The following NALF1 variants were observed in gnomAD, a reference collection of about 807,000 sequenced individuals.
The protein encoded by NALF1 is NALCN channel auxiliary factor 1, also known as family with sequence similarity 155 member A.
Under a neutral mutation model 48.4 loss-of-function variants are expected in NALF1, and 3 were observed. The ratio of observed to expected loss-of-function variants is 0.06; its 90% confidence interval spans 0.03 to 0.16. The LOEUF (loss-of-function observed/expected upper bound fraction) is 0.16. NALF1 is among the 10% of genes least tolerant of loss of function. The pLI, the probability that NALF1 is intolerant of heterozygous loss-of-function variation, is 1.00. For missense variants in NALF1, 526 were observed against 571.5 expected, an observed-to-expected ratio of 0.92 and a Z score of 0.81; for synonymous variants, 262 against 245.7, an observed-to-expected ratio of 1.07 and a Z score of -0.62.
intron 1 of NALF1, among the ~76,000 whole-genome samples, chr13:107,517,015 G>T (rs893167897): frequency 1.3e-5 from 2 of 152,132 alleles, no homozygotes; most frequent in Non-Finnish European, 2.9e-5. Flanking sequence ...AGTTGGAAAT[G>T]CATTCATTTA....
At chr13:107,829,055 C>T (rs4500579) in intron 1 of NALF1, among the ~76,000 whole-genome samples, 2,966 of 152,216 alleles carry the variant, frequency 0.019, 51 homozygotes, top group Middle Eastern at 0.065. Flanking sequence ...GAACATGCCC[C>T]CTCTTCTCTG....
At chr13:107,659,022 C>G (rs1362011770) in intron 1 of NALF1, among the ~76,000 whole-genome samples, 3 of 151,616 alleles carry the variant, frequency 2.0e-5, no homozygotes, top group African/African-American at 7.3e-5. Context: ...CCATGTGCAC[C>G]ATTATTTCTC....
At chr13:107,222,862 A>T (rs181400712) in intron 1 of NALF1, among the ~76,000 whole-genome samples, 108 of 152,330 alleles carry the variant, frequency 7.1e-4, no homozygotes, top group African/African-American at 2.0e-3. Context: ...AATGAATGAA[A>T]GAATGCCTCT....
chr13:107,775,740 T>C (rs559443093), intron 1 of NALF1, among the ~76,000 whole-genome samples: 23 of 152,328 alleles, frequency 1.5e-4, no homozygotes, highest in South Asian at 1.0e-3. Context: ...TTTTTAATGA[T>C]TGCCATTTAA....
intron 1 of NALF1, among the ~76,000 whole-genome samples, chr13:107,404,444 G>C (rs1227591165): frequency 1.3e-5 from 2 of 151,696 alleles, no homozygotes; most frequent in Non-Finnish European, 2.9e-5. Context: ...TTATAGTAAT[G>C]GTCACACAAA....
intron 2 of NALF1, among the ~76,000 whole-genome samples, chr13:107,199,491 C>T (rs1879464362): frequency 6.6e-6 from 1 of 152,088 alleles, no homozygotes; most frequent in Non-Finnish European, 1.5e-5. Context: ...CAAGTTATTT[C>T]CATATACGGT....
intron 1 of NALF1, among the ~76,000 whole-genome samples, chr13:107,534,922 T>C (rs1039519877): frequency 2.0e-5 from 3 of 152,132 alleles, no homozygotes; most frequent in Non-Finnish European, 2.9e-5. Context: ...CTGCAGGTTG[T>C]TGGTGTATAA....
intron 1 of NALF1, among the ~76,000 whole-genome samples, chr13:107,265,696 A>G (rs937015623): frequency 6.6e-6 from 1 of 150,812 alleles, no homozygotes; most frequent in Non-Finnish European, 1.5e-5. Context: ...ATGAGCCACC[A>G]TGCCTGGCCT....
chr13:107,188,949 C>T (rs551172172), intron 2 of NALF1, among the ~76,000 whole-genome samples: 2 of 152,216 alleles, frequency 1.3e-5, no homozygotes, highest in Admixed American at 6.5e-5. Context: ...TAAGAAAAGG[C>T]CATACTGACC....
chr13:107,614,981 T>C (rs1879340448), intron 1 of NALF1, among the ~76,000 whole-genome samples: 1 of 152,036 alleles, frequency 6.6e-6, no homozygotes, highest in Non-Finnish European at 1.5e-5. Flanking sequence ...TTCACCATGT[T>C]GGCCAGGCTG....
chr13:107,346,761 GT>G (rs1274054051), intron 1 of NALF1, among the ~76,000 whole-genome samples: 1 of 152,116 alleles, frequency 6.6e-6, no homozygotes, highest in Non-Finnish European at 1.5e-5. Context: ...TATGTTATTT[GT>G]TTTTTACAAT....
chr13:107,185,556 G>T (rs941705932), intron 2 of NALF1, among the ~76,000 whole-genome samples: 4 of 151,596 alleles, frequency 2.6e-5, no homozygotes, highest in Non-Finnish European at 5.9e-5. Flanking sequence ...GAGATGATGG[G>T]GTCTTATTTG....
intron 1 of NALF1, among the ~76,000 whole-genome samples, chr13:107,634,274 C>A (rs1289138874): frequency 6.6e-6 from 1 of 151,976 alleles, no homozygotes; most frequent in African/African-American, 2.4e-5. Flanking sequence ...TATATTCCAT[C>A]TAGAAAAGGT....
At chr13:107,670,535 A>G (rs1268196466) in intron 1 of NALF1, among the ~76,000 whole-genome samples, 3 of 152,126 alleles carry the variant, frequency 2.0e-5, no homozygotes, top group Non-Finnish European at 4.4e-5. Flanking sequence ...CTCCTGAGAC[A>G]TGGAAGGTGT....
At chr13:107,372,132 G>GA (rs5806650) in intron 1 of NALF1, among the ~76,000 whole-genome samples, 85,950 of 151,840 alleles carry the variant, frequency 0.57, 24,983 homozygotes, top group East Asian at 0.74. Context: ...GGTGTTGAAG[G>GA]AAAAAAAATC....
chr13:107,173,624 G>A (rs1878850076), intron 2 of NALF1, among the ~76,000 whole-genome samples: 1 of 152,130 alleles, frequency 6.6e-6, no homozygotes, highest in Non-Finnish European at 1.5e-5. Flanking sequence ...TGCAGTGCTG[G>A]ATCCCCTGTT....
chr13:107,646,776 G>A (rs113124196), intron 1 of NALF1, among the ~76,000 whole-genome samples: 36 of 152,160 alleles, frequency 2.4e-4, no homozygotes, highest in African/African-American at 8.4e-4. Context: ...ATCTTTAAGA[G>A]CTTGTCAGTA....
intron 1 of NALF1, among the ~76,000 whole-genome samples, chr13:107,221,211 A>G (rs1213301789): frequency 6.6e-6 from 1 of 152,104 alleles, no homozygotes; most frequent in East Asian, 1.9e-4. Flanking sequence ...GTGCACTAAA[A>G]TCACAGACTT....
chr13:107,523,367 T>G (rs1204106712), intron 1 of NALF1, among the ~76,000 whole-genome samples: 1 of 152,088 alleles, frequency 6.6e-6, no homozygotes, highest in Admixed American at 6.6e-5. Flanking sequence ...ATAAGAAATT[T>G]TTTTTAATTT....
Sources: allele counts gnomAD v4.1 joint callset (sites outside exome capture counted in the v4.1 genomes callset), GRCh38; gene constraint gnomAD v4.1.1; transcripts MANE v1.5; gene names NCBI Gene and HGNC (gene_info 2026-07-23, HGNC 2026-07-21).